LRRTM4: variants seen among roughly 807,000 people sequenced by gnomAD.
The protein encoded by LRRTM4 is leucine rich repeat transmembrane neuronal 4.
Under a neutral mutation model 47.6 loss-of-function variants are expected in LRRTM4, and 25 were observed. The ratio of observed to expected loss-of-function variants is 0.53; its 90% CI spans 0.38 to 0.73. The LOEUF is 0.73. LRRTM4 is among the 30% of genes least tolerant of loss of function. The probability of loss-of-function intolerance (pLI) is 0.00; values close to 1 mark genes in which losing one functional copy is unlikely to be tolerated. For missense variants in LRRTM4, 638 were observed against 713.4 expected (o/e 0.89, Z 1.20); for synonymous variants, 311 against 269.5 (o/e 1.15, Z -1.51).
At chr2:77,479,848 C>T (rs1303266278) in intron 3 of LRRTM4, among the ~76,000 whole-genome samples, 1 of 151,892 alleles carries the variant, frequency 6.6e-6, no homozygotes, top group Non-Finnish European at 1.5e-5. Context: ...TGATTGCATG[C>T]TTTTTCTTCT....
chr2:77,405,285 C>T (rs540620996), intron 3 of LRRTM4, among the ~76,000 whole-genome samples: 1 of 151,986 alleles, frequency 6.6e-6, no homozygotes, highest in African/African-American at 2.4e-5. Context: ...CAAAGCCCAG[C>T]AGTAGTGTTA....
chr2:77,177,355 C>T (rs531506299), intron 3 of LRRTM4, among the ~76,000 whole-genome samples: 61 of 152,252 alleles, frequency 4.0e-4, no homozygotes, highest in African/African-American at 1.4e-3. Flanking sequence ...GATTATTTTT[C>T]ATGTCTCTTA....
rs188083279 is a variant in LRRTM4 at position 77,232,740 on chromosome 2, T to A, written c.1551+285578A>T. On this transcript the variant is annotated intron_variant, in intron 3 of 3. Coordinates refer to ENST00000409884, the MANE Select transcript of LRRTM4 (RefSeq NM_001134745.3). ...GTTGCAAACAGTCAATACTTATGGG[T>A]AAGAGTATTTTTCTATTACTAAATT... 2.5e-3 allele frequency among the ~76,000 whole-genome samples: 378 copies of A among 152,278 alleles called. 6 individuals are homozygous for A. Among genetic ancestry groups the A allele is most frequent in the Non-Finnish European group, 7.6e-4 (52 of 68,012 alleles).
chr2:77,487,102 C>G lies in LRRTM4; in HGVS notation c.1551+31216G>C, dbSNP rs529863528. ...TCTGGAGCAGCTGCTGCAAAGACAC[C>G]GGCTGCAGTGAGAGAGGCGCAGCCA... On this transcript the variant is annotated intron_variant, in intron 3 of 3. Coordinates refer to ENST00000409884, the MANE Select transcript of LRRTM4 (RefSeq NM_001134745.3). 8.1e-4 allele frequency among the ~76,000 whole-genome samples: 123 copies of G among 152,304 alleles called. 2 individuals are homozygous for G. The highest frequency in any genetic ancestry group is 2.7e-3 in the African/African-American group (114 of 41,572).
At chr2:77,358,019 C>G (rs186817878) in intron 3 of LRRTM4, among the ~76,000 whole-genome samples, 1 of 152,046 alleles carries the variant, frequency 6.6e-6, no homozygotes, top group Admixed American at 6.5e-5. Flanking sequence ...ATCAGGGTTT[C>G]CCTCATCTCA....
intron 3 of LRRTM4, among the ~76,000 whole-genome samples, chr2:76,796,798 G>C (rs1011091139): frequency 6.6e-6 from 1 of 151,798 alleles, no homozygotes; most frequent in Non-Finnish European, 1.5e-5. Flanking sequence ...TCAACAGAAC[G>C]AATGACTTTG....
At chr2:76,787,102 T>G (rs936257237) in intron 3 of LRRTM4, among the ~76,000 whole-genome samples, 1 of 151,920 alleles carries the variant, frequency 6.6e-6, no homozygotes, top group Non-Finnish European at 1.5e-5. Context: ...ACAATACATG[T>G]GGCAAGGGAA....
At chr2:76,807,425 C>CATATATACAT (rs1670531565) in intron 3 of LRRTM4, among the ~76,000 whole-genome samples, 1 of 98,080 alleles carries the variant, frequency 1.0e-5, no homozygotes, top group African/African-American at 5.4e-5. Flanking sequence ...TATATATATA[C>CATATATACAT]ATATATATAT....
chr2:76,812,775 C>CT (rs1670779313), intron 3 of LRRTM4, among the ~76,000 whole-genome samples: 1 of 74,490 alleles, frequency 1.3e-5, no homozygotes, highest in Non-Finnish European at 2.4e-5. Flanking sequence ...CCTCTCCCTC[C>CT]CCCTCCTCCT....
At chr2:77,244,582 C>A (rs534071492) in intron 3 of LRRTM4, among the ~76,000 whole-genome samples, 2 of 151,926 alleles carry the variant, frequency 1.3e-5, no homozygotes, top group African/African-American at 4.8e-5. Context: ...CCCAAGTATG[C>A]CCTCCACCCC....
intron 3 of LRRTM4, among the ~76,000 whole-genome samples, chr2:77,129,101 T>C (rs1393470342): frequency 1.3e-5 from 2 of 152,212 alleles, no homozygotes; most frequent in African/African-American, 4.8e-5. Flanking sequence ...TGGAGTCTCT[T>C]ACACAAAGCT....
chr2:77,309,681 T>TGATA (rs3084674), intron 3 of LRRTM4, among the ~76,000 whole-genome samples: 582 of 147,322 alleles, frequency 4.0e-3, no homozygotes, highest in Middle Eastern at 6.8e-3. Flanking sequence ...GATAGACAGA[T>TGATA]GATAGATAGA....
At chr2:77,182,802 G>A (rs183513377) in intron 3 of LRRTM4, among the ~76,000 whole-genome samples, 2 of 152,198 alleles carry the variant, frequency 1.3e-5, no homozygotes, top group South Asian at 2.1e-4. Flanking sequence ...GATATTGGCT[G>A]TGACAAACCA....
At chr2:76,870,199 T>C (rs554444838) in intron 3 of LRRTM4, among the ~76,000 whole-genome samples, 87 of 152,330 alleles carry the variant, frequency 5.7e-4, no homozygotes, top group South Asian at 1.7e-3. Context: ...TCAGCATTTT[T>C]GCATACCAGT....
At chr2:77,291,858 A>G (rs1676832397) in intron 3 of LRRTM4, among the ~76,000 whole-genome samples, 1 of 152,142 alleles carries the variant, frequency 6.6e-6, no homozygotes, top group Admixed American at 6.5e-5. Context: ...ATCTAATTAA[A>G]CTAAAGAGCT....
At chr2:76,886,457 C>T (rs946594747) in intron 3 of LRRTM4, among the ~76,000 whole-genome samples, 2 of 152,032 alleles carry the variant, frequency 1.3e-5, no homozygotes, top group Admixed American at 6.6e-5. Context: ...TGAACATTTC[C>T]ATGATTAGAA....
intron 3 of LRRTM4, among the ~76,000 whole-genome samples, chr2:77,471,109 G>C (rs1024908767): frequency 2.0e-5 from 3 of 151,982 alleles, no homozygotes; most frequent in African/African-American, 7.2e-5. Flanking sequence ...CTATAGCCTT[G>C]ACATTTCCAC....
intron 3 of LRRTM4, among the ~76,000 whole-genome samples, chr2:77,184,193 T>C (rs1180607891): frequency 6.6e-6 from 1 of 152,094 alleles, no homozygotes. Context: ...ACAATATTTT[T>C]AATGAAATAT....
chr2:76,894,321 A>C (rs753014389), intron 3 of LRRTM4, among the ~76,000 whole-genome samples: 4 of 152,110 alleles, frequency 2.6e-5, no homozygotes, highest in Non-Finnish European at 5.9e-5. Context: ...AACATGGCAT[A>C]GTAGGTCCCC....
Sources: gnomAD v4.1 joint callset for allele counts (sites outside exome capture counted in the v4.1 genomes callset) on GRCh38, gnomAD v4.1.1 for gene constraint, MANE v1.5 for transcripts, NCBI Gene and HGNC (gene_info 2026-07-23, HGNC 2026-07-21) for gene names.